The following ERC2 variants were observed in gnomAD, a reference collection of about 807,000 sequenced individuals.
The protein encoded by ERC2 is ERC protein 2.
A neutral mutation model predicts 114.8 loss-of-function variants in ERC2; 42 were observed. That is an observed-to-expected ratio of 0.37 (90% confidence interval 0.29 to 0.47). ERC2 has a LOEUF of 0.47. ERC2 is among the 20% of genes least tolerant of loss of function. ERC2 has a pLI of 0.99. For synonymous variants in ERC2, 454 were observed against 425.5 expected, an observed-to-expected ratio of 1.07 and a Z score of -0.82; for missense variants, 939 against 1,150.7, an observed-to-expected ratio of 0.82 and a Z score of 2.66.
At position 55,583,522 on chromosome 3, in the gene ERC2, TC is replaced by T. The variant is rs1198186048; in HGVS notation, c.*40-72247del. Among the ~76,000 whole-genome samples the T allele has an allele frequency of 2.6e-3, 135 of 51,500 alleles. 6 individuals are homozygous for T. Among genetic ancestry groups the T allele is most frequent in the South Asian group, 0.011 (7 of 650 alleles). 33.8% of individuals were successfully genotyped at this position (51,500 alleles called of 152,430 possible). A position where few individuals can be genotyped will look rare whatever the true frequency, so the allele number is the denominator to read the frequency against. On this transcript the variant is annotated intron_variant, in intron 17 of 17. Coordinates refer to ENST00000288221, the MANE Select transcript of ERC2 (RefSeq NM_015576.3). ...TTCCCTCCCTCCCTCCCTCCCTCCC[TC>T]CCTTCCTTCCTTCCTTCCTTTCTTC...
intron 15 of ERC2, among the ~76,000 whole-genome samples, chr3:55,706,501 A>G (rs759173581): frequency 6.6e-6 from 1 of 151,998 alleles, no homozygotes; most frequent in South Asian, 2.1e-4. Context: ...GGTTCAAGTG[A>G]TTACCCCACC....
Position 56,445,461 on chromosome 3 carries a change from C to T in ERC2, c.-140-10314G>A, listed in dbSNP as rs1197968153. On this transcript the variant is annotated intron_variant, in intron 1 of 17. Transcript: ENST00000288221. Reference sequence around the variant, plus strand: ...AATGTGACTCTTGCATAAGCTACTTCATACCTCCTAAAGCTTCTCCTCTTA... The same window carrying T: ...AATGTGACTCTTGCATAAGCTACTTTATACCTCCTAAAGCTTCTCCTCTTA... 3.9e-5 allele frequency among the ~76,000 whole-genome samples: 6 copies of T among 152,228 alleles called. 1 individual carries two copies. The highest frequency in any genetic ancestry group is 3.9e-4 in the Admixed American group (6 of 15,282).
At chr3:56,009,371 G>A (rs2072740418) in intron 9 of ERC2, among the ~76,000 whole-genome samples, 2 of 152,162 alleles carry the variant, frequency 1.3e-5, no homozygotes, top group Admixed American at 1.3e-4. Context: ...TAAAAAGCAA[G>A]TAGGTTTAAA....
chr3:55,911,091 T>G (rs140169442), intron 13 of ERC2, among the ~76,000 whole-genome samples: 1 of 152,238 alleles, frequency 6.6e-6, no homozygotes, highest in Non-Finnish European at 1.5e-5. Flanking sequence ...TGAACAGACT[T>G]TATTTCACAA....
chr3:55,959,832 T>C (rs1428337848), intron 12 of ERC2, among the ~76,000 whole-genome samples: 1 of 152,216 alleles, frequency 6.6e-6, no homozygotes, highest in Non-Finnish European at 1.5e-5. Context: ...GACTAGACTA[T>C]ATGCTCCGGA....
At chr3:55,598,546 G>C (rs2058254824) in intron 17 of ERC2, among the ~76,000 whole-genome samples, 1 of 152,258 alleles carries the variant, frequency 6.6e-6, no homozygotes, top group Non-Finnish European at 1.5e-5. Flanking sequence ...CACCTGCATA[G>C]TCAACTTGAT....
At chr3:56,439,123 G>C (rs1373929903) in intron 1 of ERC2, among the ~76,000 whole-genome samples, 1 of 152,124 alleles carries the variant, frequency 6.6e-6, no homozygotes, top group Non-Finnish European at 1.5e-5. Context: ...CCCTATTCCT[G>C]AAATATTTTG....
At chr3:56,442,357 C>A (rs1308124588) in intron 1 of ERC2, among the ~76,000 whole-genome samples, 3 of 152,062 alleles carry the variant, frequency 2.0e-5, no homozygotes, top group African/African-American at 7.2e-5. Flanking sequence ...AGCAGCTGGA[C>A]CACAAGCGCA....
chr3:55,525,765 C>A (rs1375897223), intron 17 of ERC2, among the ~76,000 whole-genome samples: 3 of 152,212 alleles, frequency 2.0e-5, no homozygotes, highest in African/African-American at 7.2e-5. Context: ...AGTGGGACAC[C>A]ATGGAAGGGG....
rs568549092 is a variant in ERC2 at position 56,434,939 on chromosome 3, C to A, written c.69G>T (p.Arg23Ser). The change falls in exon 2 of 18, where the codon AGG (arginine) becomes AGT (serine). Residue 23 changes from arginine to serine, a missense_variant. By Grantham distance (110) the Arg-to-Ser change is moderately radical (BLOSUM62 -1). Coordinates refer to ENST00000288221, the MANE Select transcript of ERC2 (RefSeq NM_015576.3). ...TTCTTCGGTGGCCCAAACGAGGAGA[C>A]CTTGGCAAACGAGGGGATCTGGAAG... The part of the protein sequence containing the change: ...GSPSRSPRLP[R>S]SPRLGHRRTS... 1.9e-6 allele frequency: 3 copies of A among 1,613,670 alleles called. No homozygotes were observed. The highest frequency in any genetic ancestry group is 1.7e-6 in the Non-Finnish European group (2 of 1,179,840).
chr3:56,386,311 C>G (rs1032977958), intron 2 of ERC2, among the ~76,000 whole-genome samples: 1 of 152,132 alleles, frequency 6.6e-6, no homozygotes, highest in African/African-American at 2.4e-5. Context: ...AATTAAGTCA[C>G]AGTGAAACAC....
At position 55,719,147 on chromosome 3, in the gene ERC2, T is replaced by C. The variant is rs150333963; in HGVS notation, c.2712+15624A>G. On this transcript the variant is annotated intron_variant, in intron 15 of 17. Transcript: ENST00000288221. The stretch of plus-strand genomic sequence containing the variant: ...CAAATGTTACAACACTGAACATGGC[T>C]TGGACATAATTTATATTCCAACTTC... Among the ~76,000 whole-genome samples the C allele has an allele frequency of 2.9e-3, 435 of 152,324 alleles. 1 individual carries two copies. The highest frequency in any genetic ancestry group is 9.9e-3 in the African/African-American group (413 of 41,574).
At chr3:55,619,572 CGAT>C (rs1206844109) in intron 17 of ERC2, among the ~76,000 whole-genome samples, 10 of 152,172 alleles carry the variant, frequency 6.6e-5, no homozygotes, top group South Asian at 4.1e-4. Context: ...GTGAAACGTA[CGAT>C]AATAATAAAA....
intron 2 of ERC2, among the ~76,000 whole-genome samples, chr3:56,410,378 C>T (rs929745141): frequency 3.9e-5 from 6 of 152,302 alleles, no homozygotes; most frequent in Non-Finnish European, 7.3e-5. Context: ...AACAAAATTA[C>T]TCTATAGAGA....
At chr3:55,658,870 G>GT (rs1378932094) in intron 17 of ERC2, 2 of 152,698 alleles carry the variant, frequency 1.3e-5, no homozygotes, top group African/African-American at 4.8e-5. Context: ...ACAGGCAGGC[G>GT]TGACAGGACA....
In ERC2 at chr3:55,888,668, C is replaced by T. The variant is rs2063469261; in HGVS notation, c.2404-119G>A. Reference sequence around the variant, plus strand: ...AATCACAGGGATCCTTGAACTGGGCCGCTGTGTCTTGGAGCCCTTTCTTTC... The same window carrying T: ...AATCACAGGGATCCTTGAACTGGGCTGCTGTGTCTTGGAGCCCTTTCTTTC... On this transcript the variant is annotated intron_variant, in intron 13 of 17. Transcript: ENST00000288221. 1.5e-5 allele frequency: 18 copies of T among 1,237,776 alleles called. No homozygotes were observed. In the Middle Eastern group the frequency reaches 6.0e-4, roughly 41 times the overall value. 76.7% of individuals were successfully genotyped at this position (1,237,776 alleles called of 1,614,324 possible).
intron 13 of ERC2, among the ~76,000 whole-genome samples, chr3:55,930,263 A>C (rs2065996489): frequency 6.6e-6 from 1 of 152,114 alleles, no homozygotes; most frequent in Admixed American, 6.6e-5. Flanking sequence ...ATAAATAAAT[A>C]AATAAATAAC....
At chr3:55,839,016 A>G (rs1001438317) in intron 14 of ERC2, among the ~76,000 whole-genome samples, 7 of 152,026 alleles carry the variant, frequency 4.6e-5, no homozygotes, top group African/African-American at 1.7e-4. Flanking sequence ...CTCAAGAAAC[A>G]TGTGAAAAAT....
chr3:55,855,433 G>C (rs1049441235), intron 14 of ERC2, among the ~76,000 whole-genome samples: 3 of 152,216 alleles, frequency 2.0e-5, no homozygotes, highest in African/African-American at 7.2e-5. Flanking sequence ...TCCAAGAAAA[G>C]TACATTCTAA....
Sources: allele counts gnomAD v4.1 joint callset (sites outside exome capture counted in the v4.1 genomes callset), GRCh38; gene constraint gnomAD v4.1.1; transcripts MANE v1.5; gene names NCBI Gene and HGNC (gene_info 2026-07-23, HGNC 2026-07-21).